The following CEP152 variants were observed in gnomAD, a reference collection of about 807,000 sequenced individuals.
The protein encoded by CEP152 is centrosomal protein of 152 kDa.
In CEP152, 132 loss-of-function variants were observed where a neutral mutation model predicts 188.9. The ratio of observed to expected loss-of-function variants is 0.70; its 90% CI spans 0.61 to 0.81. The LOEUF is 0.81. CEP152 is among the 30% of genes least tolerant of loss of function. CEP152 has a pLI of 0.00. For synonymous variants in CEP152, 649 were observed against 666.6 expected, an observed-to-expected ratio of 0.97 and a Z score of 0.41; for missense variants, 1,914 against 1,969.8, an observed-to-expected ratio of 0.97 and a Z score of 0.54.
intron 22 of CEP152, 129 bp from the exon 23 acceptor site, chr15:48,745,121 T>A: frequency 1.6e-6 from 1 of 614,106 alleles, no homozygotes. Context: ...GTAACGTTCA[T>A]CCCCTTAGAA....
At chr15:48,746,860 C>A (rs1014865449) in intron 22 of CEP152, among the ~76,000 whole-genome samples, 1 of 152,106 alleles carries the variant, frequency 6.6e-6, no homozygotes, top group Non-Finnish European at 1.5e-5. Flanking sequence ...GTTAGGAAAG[C>A]CTCCCTGAGG....
intron 21 of CEP152, 57 bp from the exon 22 acceptor site, chr15:48,748,667 TAAA>T (rs34352957): frequency 8.4e-3 from 8,701 of 1,039,852 alleles, no homozygotes; most frequent in South Asian, 0.012. Context: ...GAACTATCAT[TAAA>T]AAAAAAAAAA....
Position 48,760,277 on chromosome 15 carries a change from T to C in CEP152, c.2563-11A>G, listed in dbSNP as rs555677989. The stretch of plus-strand genomic sequence containing the variant: ...CACAGCTATTTCTACCTGTAGGACA[T>C]TGCAAAAGAAAGAGGTAAAGGGAAG... On this transcript the variant is annotated splice_polypyrimidine_tract_variant and intron_variant, in intron 18 of 26. Transcript: ENST00000380950. The C allele has an allele frequency of 1.9e-6, 3 of 1,613,866 alleles. No homozygotes were observed. Among genetic ancestry groups the C allele is most frequent in the South Asian group, 1.1e-5 (1 of 91,082 alleles).
chr15:48,739,120 CT>C lies in CEP152; in HGVS notation c.4261del (p.Arg1421GlyfsTer3). 6.2e-7 allele frequency: 1 copy of C among 1,614,174 alleles called. No individual in the cohort carries two copies. ...CTGATGCTCTGAGTTCTCTAACAGCCTTTGTAAGTTACAAGCTGCCCTCCTC... is the reference window on the plus strand; with the variant it reads ...CTGATGCTCTGAGTTCTCTAACAGCCTTGTAAGTTACAAGCTGCCCTCCTC... ...PKRRAACNLQ[R>X]LLENSEHQSI... On this transcript the variant is annotated frameshift_variant, in exon 27 of 27. Transcript: ENST00000380950. LOFTEE classifies it low-confidence loss of function (END_TRUNC).
chr15:48,784,071 T>A lies in CEP152; in HGVS notation c.1223A>T (p.Asn408Ile), dbSNP rs1391268519. Residue 408 changes from asparagine (N) to isoleucine (I), a missense_variant, in exon 10 of 27, where the codon AAT becomes ATT. Coordinates refer to ENST00000380950, the MANE Select transcript of CEP152 (RefSeq NM_001194998.2). ...CTTTTCTAACTTGATTGCTTCTTGA[T>A]TCCTTTCCAGTTGTTTCACGTGATC... is the stretch of plus-strand genomic sequence containing the variant. ...LKDHVKQLER[N>I]QEAIKLEKTE... The A allele has an allele frequency of 1.9e-6, 3 of 1,613,862 alleles. No homozygotes were observed. The highest frequency in any genetic ancestry group is 1.3e-5 in the African/African-American group (1 of 75,020).
chr15:48,747,973 A>G (rs577313142), intron 22 of CEP152, among the ~76,000 whole-genome samples: 1 of 152,310 alleles, frequency 6.6e-6, no homozygotes, highest in Admixed American at 6.5e-5. Flanking sequence ...TTCAAGGCTT[A>G]GTCAAACCTT....
intron 3 of CEP152, 60 bp from the exon 4 acceptor site, chr15:48,797,790 C>A (rs1897404407): frequency 6.3e-7 from 1 of 1,580,706 alleles, no homozygotes; most frequent in Middle Eastern, 1.7e-4. Flanking sequence ...ATAGATAACA[C>A]AAAGAACCCC....
At position 48,738,715 on chromosome 15, in the gene CEP152, TCC is replaced by T; in HGVS notation, c.4665_4666del (p.Asp1556CysfsTer13). ...ATCTTTTACTGGAGGTTCCTGAACA[TCC>T]AAACCTTGACTTTTCTCAGATGCAG... On this transcript the variant is annotated frameshift_variant, in exon 27 of 27. Coordinates refer to ENST00000380950, the MANE Select transcript of CEP152 (RefSeq NM_001194998.2). LOFTEE classifies it low-confidence loss of function (END_TRUNC). The T allele has an allele frequency of 6.2e-7, 1 of 1,614,194 alleles. No homozygotes were observed. Among genetic ancestry groups the T allele is most frequent in the Non-Finnish European group, 8.5e-7 (1 of 1,180,020 alleles).
intron 2 of CEP152, among the ~76,000 whole-genome samples, chr15:48,800,113 G>A (rs764217453): frequency 6.6e-6 from 1 of 152,070 alleles, no homozygotes; most frequent in Non-Finnish European, 1.5e-5. Flanking sequence ...TTGTAGCTTT[G>A]TGACACCACA....
chr15:48,755,527 C>A (rs546667463), intron 20 of CEP152, among the ~76,000 whole-genome samples: 8 of 152,202 alleles, frequency 5.3e-5, no homozygotes, highest in Middle Eastern at 3.4e-3. Context: ...ATTTTAAGTT[C>A]TGGGATACAT....
At chr15:48,755,803 C>T in intron 20 of CEP152, 100 bp downstream of exon 20, 4 of 1,583,656 alleles carry the variant, frequency 2.5e-6, no homozygotes, top group South Asian at 1.2e-5. Context: ...ATAAGACTTA[C>T]ATCTACTAAA....
rs535257156 is a variant in CEP152 at position 48,783,998 on chromosome 15, C to T, written c.1296G>A (p.Lys432=). ...CGGACTGCAACAAGTGGGCACACTG[C>T]TTTTGACTCTCCTCTAGACTTCTTG... ...KLTRSLEESQ[K]QCAHLLQSGS... Residue 432 remains lysine, a synonymous_variant, in exon 10 of 27, where the codon AAG becomes AAA. Transcript: ENST00000380950. The T allele has an allele frequency of 3.0e-5, 49 of 1,613,646 alleles. 1 individual carries two copies. The South Asian group carries it at 5.4e-4, about 18-fold the overall frequency.
chr15:48,758,266 A>G (rs991266105), intron 19 of CEP152, among the ~76,000 whole-genome samples: 1 of 152,224 alleles, frequency 6.6e-6, no homozygotes, highest in Non-Finnish European at 1.5e-5. Context: ...AAATAACTCT[A>G]TAGCCAATGC....
At chr15:48,773,716 C>T (rs1210891450) in intron 12 of CEP152, among the ~76,000 whole-genome samples, 1 of 152,070 alleles carries the variant, frequency 6.6e-6, no homozygotes, top group East Asian at 1.9e-4. Flanking sequence ...AAAATTAGCC[C>T]CAGATTAAAG....
intron 19 of CEP152, among the ~76,000 whole-genome samples, chr15:48,758,609 C>T (rs1894444137): frequency 6.8e-6 from 1 of 147,156 alleles, no homozygotes; most frequent in South Asian, 2.2e-4. Flanking sequence ...ATCCCAGCTA[C>T]TTGGGAGGCA....
At chr15:48,806,672 T>C (rs554170364) in intron 1 of CEP152, among the ~76,000 whole-genome samples, 45 of 152,220 alleles carry the variant, frequency 3.0e-4, no homozygotes, top group Non-Finnish European at 5.4e-4. Flanking sequence ...CATTTTACCA[T>C]AGAGAACTTA....
chr15:48,738,568 G>T lies in CEP152; in HGVS notation c.4814C>A (p.Ser1605Tyr), dbSNP rs1240462311. 2 of 1,614,086 alleles carry T rather than the reference G, an allele frequency of 1.2e-6. No individual in the cohort carries two copies. The highest frequency in any genetic ancestry group is 1.7e-6 in the Non-Finnish European group (2 of 1,180,032). Reference protein sequence around the residue: ...PQGTLEIPSESVKSKQFSPSG... With the variant: ...PQGTLEIPSEYVKSKQFSPSG... ...TGGTGAAAACTGTTTGGATTTAACA[G>T]ATTCACTTGGTATTTCCAAAGTTCC... is the stretch of plus-strand genomic sequence containing the variant. The change falls in exon 27 of 27, where the codon TCT (serine) becomes TAT (tyrosine). Residue 1605 changes from serine (S) to tyrosine (Y), a missense_variant. Transcript: ENST00000380950.
In CEP152 at chr15:48,781,226, T is replaced by C; in HGVS notation, c.1547A>G (p.Lys516Arg). The C allele has an allele frequency of 3.7e-6, 6 of 1,613,498 alleles. No individual in the cohort carries two copies. The highest frequency in any genetic ancestry group is 5.1e-6 in the Non-Finnish European group (6 of 1,179,646). ...AACTTTGGATTTTTTCCAGTTGACC[T>C]TTTTAATACCCAAATCCACATACGA... ...TESYVDLGIK[K>R]VNWKKSKVTS... Residue 516 changes from lysine (K) to arginine (R), a missense_variant, in exon 12 of 27, where the codon AAG (lysine) becomes AGG (arginine). Lys to Arg is a conservative substitution (Grantham distance 26). Transcript: ENST00000380950.
chr15:48,792,983 C>G (rs1031997011), intron 7 of CEP152, among the ~76,000 whole-genome samples: 8 of 151,928 alleles, frequency 5.3e-5, no homozygotes, highest in African/African-American at 1.9e-4. Flanking sequence ...CACTATGCCC[C>G]GCTAATTTTT....
Sources: gnomAD v4.1 joint callset for allele counts (sites outside exome capture counted in the v4.1 genomes callset) on GRCh38, gnomAD v4.1.1 for gene constraint, MANE v1.5 for transcripts, NCBI Gene and HGNC (gene_info 2026-07-23, HGNC 2026-07-21) for gene names.